PRKN: variants seen among roughly 807,000 people sequenced by gnomAD.
The protein encoded by PRKN is parkin RBR E3 ubiquitin protein ligase.
In PRKN, 56 loss-of-function variants were observed where a neutral mutation model predicts 59.5. The ratio of observed to expected loss-of-function variants is 0.94; its 90% confidence interval spans 0.76 to 1.18. The LOEUF is 1.18. PRKN is among the 50% of genes most tolerant of loss of function. The pLI is 0.00. For missense variants in PRKN, 657 were observed against 596.4 expected (o/e 1.10, Z -1.06); for synonymous variants, 250 against 222.1 (o/e 1.13, Z -1.12).
chr6:162,392,264 C>G (rs1437933383), intron 2 of PRKN, among the ~76,000 whole-genome samples: 1 of 152,106 alleles, frequency 6.6e-6, no homozygotes, highest in African/African-American at 2.4e-5. Context: ...GGCCAGAGGG[C>G]CTCCTGATAT....
chr6:161,894,177 C>T (rs1045086646), intron 6 of PRKN, among the ~76,000 whole-genome samples: 1 of 152,148 alleles, frequency 6.6e-6, no homozygotes. Flanking sequence ...CCAACCCCTT[C>T]GACCTACCAA....
chr6:161,679,682 C>CTG (rs1328388757), intron 7 of PRKN, among the ~76,000 whole-genome samples: 7 of 134,220 alleles, frequency 5.2e-5, no homozygotes, highest in African/African-American at 2.0e-4. Flanking sequence ...CCACCCCCCC[C>CTG]CCTTTTTTTT....
At chr6:162,643,168 T>C (rs1012528307) in intron 1 of PRKN, among the ~76,000 whole-genome samples, 25 of 151,732 alleles carry the variant, frequency 1.6e-4, no homozygotes, top group Non-Finnish European at 3.2e-4. Flanking sequence ...GAGGCTGAGG[T>C]GGGTGGATCA....
chr6:161,629,417 C>G (rs1388184093), intron 7 of PRKN, among the ~76,000 whole-genome samples: 1 of 152,046 alleles, frequency 6.6e-6, no homozygotes, highest in Non-Finnish European at 1.5e-5. Context: ...GCAGTTGCTG[C>G]CCAATCACCC....
chr6:162,083,343 C>T (rs1779133548), intron 4 of PRKN, among the ~76,000 whole-genome samples: 3 of 152,040 alleles, frequency 2.0e-5, no homozygotes, highest in Admixed American at 2.0e-4. Flanking sequence ...GAAGTGGGCA[C>T]ATACTGTTGG....
intron 6 of PRKN, among the ~76,000 whole-genome samples, chr6:161,921,194 A>T (rs950718295): frequency 3.3e-5 from 5 of 152,144 alleles, no homozygotes; most frequent in African/African-American, 1.2e-4. Flanking sequence ...TAAGACACTG[A>T]CACACACATT....
intron 2 of PRKN, among the ~76,000 whole-genome samples, chr6:162,352,680 T>C (rs1015242428): frequency 6.6e-6 from 1 of 152,186 alleles, no homozygotes; most frequent in Non-Finnish European, 1.5e-5. Context: ...CTGTAAAAGA[T>C]ATCTTCATCT....
intron 2 of PRKN, among the ~76,000 whole-genome samples, chr6:162,357,674 T>C (rs994490547): frequency 6.6e-6 from 1 of 152,350 alleles, no homozygotes; most frequent in Non-Finnish European, 1.5e-5. Context: ...TGTCCATTAA[T>C]GCATCAGCAG....
At chr6:162,235,902 A>AAGG (rs767533402) in intron 3 of PRKN, among the ~76,000 whole-genome samples, 2 of 73,268 alleles carry the variant, frequency 2.7e-5, no homozygotes, top group Non-Finnish European at 5.2e-5. Context: ...AGAAAGAAGG[A>AAGG]AAGGAAGGAA....
At chr6:162,212,940 G>C (rs1221368426) in intron 3 of PRKN, among the ~76,000 whole-genome samples, 1 of 152,124 alleles carries the variant, frequency 6.6e-6, no homozygotes, top group African/African-American at 2.4e-5. Flanking sequence ...GATATGACTG[G>C]GTGATAGAAA....
At position 161,588,721 on chromosome 6, in the gene PRKN, A is replaced by G. The variant is rs79543513; in HGVS notation, c.872-19305T>C. ...ACCACAATCCCTAGAAAATACACCCAAAGTGGTTTTTGAGAGGACACCATC... is the reference window on the plus strand; with the variant it reads ...ACCACAATCCCTAGAAAATACACCCGAAGTGGTTTTTGAGAGGACACCATC... On this transcript the variant is annotated intron_variant, in intron 7 of 11. Transcript: ENST00000366898. The surrounding 1 kb of genome is among the most constrained non-coding windows in gnomAD (Gnocchi z 5.0). Among the ~76,000 whole-genome samples the G allele has an allele frequency of 6.2e-3, 940 of 152,286 alleles. 9 individuals are homozygous for G. The highest frequency in any genetic ancestry group is 0.022 in the African/African-American group (901 of 41,566).
intron 6 of PRKN, among the ~76,000 whole-genome samples, chr6:161,857,976 T>C (rs902659207): frequency 6.6e-6 from 1 of 152,194 alleles, no homozygotes; most frequent in African/African-American, 2.4e-5. Flanking sequence ...GCAAAGACAC[T>C]CAGTAGACAA....
At chr6:161,894,584 G>A (rs546341983) in intron 6 of PRKN, among the ~76,000 whole-genome samples, 74 of 152,130 alleles carry the variant, frequency 4.9e-4, no homozygotes, top group African/African-American at 1.7e-3. Context: ...CAAATCGTGC[G>A]TTACTCATGC....
rs1411825629 is a variant in PRKN, at chr6:161,362,879, G to A, written c.1168-2674C>T. On this transcript the variant is annotated intron_variant, in intron 10 of 11. Coordinates refer to ENST00000366898, the MANE Select transcript of PRKN (RefSeq NM_004562.3). The surrounding 1 kb of genome is among the most constrained non-coding windows in gnomAD (Gnocchi z 5.2). ...ATACAGGAGAAAACTAGCTACATGA[G>A]TGAAAGTCACAGAATTACAGAAACT... 6.6e-6 allele frequency among the ~76,000 whole-genome samples: 1 copy of A among 152,168 alleles called. No homozygotes were observed. The highest frequency in any genetic ancestry group is 2.1e-4 in the South Asian group (1 of 4,824).
chr6:161,468,434 C>T lies in PRKN; in HGVS notation c.1083+80420G>A, dbSNP rs960102370. 2.0e-5 allele frequency among the ~76,000 whole-genome samples: 3 copies of T among 152,172 alleles called. No individual in the cohort carries two copies. The highest frequency in any genetic ancestry group is 7.2e-5 in the African/African-American group (3 of 41,434). On this transcript the variant is annotated intron_variant, in intron 9 of 11. Coordinates refer to ENST00000366898, the MANE Select transcript of PRKN (RefSeq NM_004562.3). The surrounding 1 kb of genome is among the most constrained non-coding windows in gnomAD (Gnocchi z 5.9). ...AGTCAACCATAATAAATGTCAAATC[C>T]TACAGAGTATCCTTTAAATGGCAAG... is the stretch of plus-strand genomic sequence containing the variant.
rs139304750 is a variant in PRKN, at chr6:162,522,360, G to A, written c.8-78887C>T. Among the ~76,000 whole-genome samples the A allele has an allele frequency of 7.7e-4, 117 of 152,320 alleles. 1 individual carries two copies. The highest frequency in any genetic ancestry group is 6.8e-3 in the Middle Eastern group (2 of 294). On this transcript the variant is annotated intron_variant, in intron 1 of 11. Coordinates refer to ENST00000366898, the MANE Select transcript of PRKN (RefSeq NM_004562.3). Reference sequence around the variant, plus strand: ...GCTGGTCTCGAACTTGTGAGCTTCAGTGATTCGCCCGCCTCGGCCTCCCAA... The same window carrying A: ...GCTGGTCTCGAACTTGTGAGCTTCAATGATTCGCCCGCCTCGGCCTCCCAA...
At chr6:162,099,792 AT>A (rs1417095353) in intron 4 of PRKN, among the ~76,000 whole-genome samples, 1 of 152,228 alleles carries the variant, frequency 6.6e-6, no homozygotes, top group Non-Finnish European at 1.5e-5. Flanking sequence ...ATATCTAGTC[AT>A]TAGTGATTTT....
At chr6:161,485,134 T>A (rs1197254647) in intron 9 of PRKN, among the ~76,000 whole-genome samples, 1 of 152,212 alleles carries the variant, frequency 6.6e-6, no homozygotes, top group African/African-American at 2.4e-5. Context: ...AACAAACCTA[T>A]TAATATTCTG....
At chr6:162,650,735 T>C (rs1778397513) in intron 1 of PRKN, among the ~76,000 whole-genome samples, 1 of 152,192 alleles carries the variant, frequency 6.6e-6, no homozygotes, top group Admixed American at 6.5e-5. Context: ...CTAATGTTTT[T>C]CTCCATTGGC....
Sources: gnomAD v4.1 joint callset for allele counts (sites outside exome capture counted in the v4.1 genomes callset) on GRCh38, gnomAD v4.1.1 for gene constraint, Gnocchi (gnomAD v3.1) non-coding constraint, MANE v1.5 for transcripts, NCBI Gene and HGNC (gene_info 2026-07-23, HGNC 2026-07-21) for gene names.